Variants in PALLD observed in about 807,000 individuals in gnomAD.
The protein encoded by PALLD is palladin, cytoskeletal associated protein.
In PALLD, 61 loss-of-function variants were observed where a neutral mutation model predicts 123.5. The ratio of observed to expected loss-of-function variants is 0.49; its 90% CI spans 0.40 to 0.61. The LOEUF is 0.61. PALLD is among the 20% of genes least tolerant of loss of function. The pLI is 0.00. For synonymous variants in PALLD, 465 were observed against 496.4 expected (o/e 0.94, Z 0.84); for missense variants, 1,273 against 1,377.0 (o/e 0.92, Z 1.20).
intron 2 of PALLD, among the ~76,000 whole-genome samples, chr4:168,524,972 T>C (rs543482404): frequency 6.6e-6 from 1 of 152,274 alleles, no homozygotes; most frequent in African/African-American, 2.4e-5. Flanking sequence ...GGTTTCTCTT[T>C]CTTTTATAAA....
intron 10 of PALLD, among the ~76,000 whole-genome samples, chr4:168,888,085 G>T (rs977528287): frequency 6.6e-6 from 1 of 152,168 alleles, no homozygotes; most frequent in Non-Finnish European, 1.5e-5. Flanking sequence ...AGTAGGAGGG[G>T]AGAGAGGTTC....
chr4:168,913,082 A>T (rs1034131470), intron 15 of PALLD, among the ~76,000 whole-genome samples: 4 of 149,492 alleles, frequency 2.7e-5, no homozygotes, highest in Non-Finnish European at 4.4e-5. Context: ...CTTACATAAC[A>T]CTCATTTTAT....
intron 10 of PALLD, among the ~76,000 whole-genome samples, chr4:168,808,514 G>A (rs906875390): frequency 6.6e-6 from 1 of 152,084 alleles, no homozygotes; most frequent in Non-Finnish European, 1.5e-5. Context: ...ACATATTTGT[G>A]TTGAAAATTG....
chr4:168,648,888 TG>T (rs1777755272), intron 2 of PALLD: 2 of 152,268 alleles, frequency 1.3e-5, no homozygotes, highest in Non-Finnish European at 1.5e-5. Context: ...GAGTAAAAGC[TG>T]TAAGTAGACA....
At chr4:168,525,922 C>T (rs188568507) in intron 2 of PALLD, among the ~76,000 whole-genome samples, 12 of 152,152 alleles carry the variant, frequency 7.9e-5, no homozygotes, top group East Asian at 1.9e-4. Flanking sequence ...AATTATATAC[C>T]GTATAATATA....
rs765770895 is a variant in PALLD at position 168,778,876 on chromosome 4, G to T, written c.1964+66953G>T. On this transcript the variant is annotated intron_variant, in intron 10 of 21. Transcript: ENST00000505667. Reference sequence around the variant, plus strand: ...GAGTCTCACTATGTCACCCAGGCTGGTCTCAAACTCCTGGCCTCAAGCAGT... The same window carrying T: ...GAGTCTCACTATGTCACCCAGGCTGTTCTCAAACTCCTGGCCTCAAGCAGT... Among the ~76,000 whole-genome samples the T allele has an allele frequency of 3.3e-5, 5 of 152,166 alleles. No homozygotes were observed. In the South Asian group the frequency reaches 6.2e-4, roughly 19 times the overall value.
chr4:168,546,316 A>G (rs896745035), intron 2 of PALLD, among the ~76,000 whole-genome samples: 1 of 117,392 alleles, frequency 8.5e-6, no homozygotes, highest in African/African-American at 3.2e-5. Flanking sequence ...CCCACCCACC[A>G]AAAGAAAGTT....
rs767777801 is a variant in PALLD at position 168,850,523 on chromosome 4, C to CTTTTTTTTTTTTTTTTTTTTTT, written c.1965-40392_1965-40371dup. Among the ~76,000 whole-genome samples the CTTTTTTTTTTTTTTTTTTTTTT allele has an allele frequency of 8.6e-5, 3 of 34,692 alleles. 1 individual carries two copies. The highest frequency in any genetic ancestry group is 2.7e-4 in the African/African-American group (2 of 7,542). 22.8% of individuals were successfully genotyped at this position (34,692 alleles called of 152,430 possible). On this transcript the variant is annotated intron_variant, in intron 10 of 21. Transcript: ENST00000505667. ...TATATAATTTGTAAGTCTGTCATTT[C>CTTTTTTTTTTTTTTTTTTTTTT]TTTTTTTTTTTTTTTTTTTTTTTTT...
At chr4:168,744,639 G>A (rs1788681637) in intron 10 of PALLD, among the ~76,000 whole-genome samples, 1 of 152,168 alleles carries the variant, frequency 6.6e-6, no homozygotes, top group Admixed American at 6.5e-5. Context: ...TCTAGTGGTG[G>A]CAAAGAGGAC....
At chr4:168,802,129 T>C (rs1180320976) in intron 10 of PALLD, among the ~76,000 whole-genome samples, 1 of 152,212 alleles carries the variant, frequency 6.6e-6, no homozygotes, top group Non-Finnish European at 1.5e-5. Context: ...TCGGGAATGC[T>C]CCATTGAGAA....
rs138238533 is a variant in PALLD, at chr4:168,580,009, C to T, written c.908+67597C>T. 1.4e-4 allele frequency among the ~76,000 whole-genome samples: 21 copies of T among 151,978 alleles called. No individual in the cohort carries two copies. The East Asian group carries it at 3.5e-3, about 25-fold the overall frequency. Reference sequence around the variant, plus strand: ...ATTTATTCGTCCTGAAACTTTGTACCGTTTGACCAATAGCTCCTCATTTCC... The same window carrying T: ...ATTTATTCGTCCTGAAACTTTGTACTGTTTGACCAATAGCTCCTCATTTCC... On this transcript the variant is annotated intron_variant, in intron 2 of 21. Coordinates refer to ENST00000505667, the MANE Select transcript of PALLD (RefSeq NM_001166108.2).
At chr4:168,504,749 T>C (rs1761827469) in intron 1 of PALLD, 1 of 152,014 alleles carries the variant, frequency 6.6e-6, no homozygotes, top group South Asian at 2.1e-4. Flanking sequence ...CTGAGAAAAG[T>C]GAGGAGGCAG....
At chr4:168,691,212 A>C in intron 7 of PALLD, 57 bp from the exon 8 acceptor site, 4 of 1,301,544 alleles carry the variant, frequency 3.1e-6, no homozygotes, top group Non-Finnish European at 4.5e-6. Context: ...TTTTTTAATT[A>C]AATGGAACCC....
In PALLD at chr4:168,927,240, G is replaced by T; in HGVS notation, c.*1060G>T. On this transcript the variant is annotated 3_prime_UTR_variant, in exon 22 of 22. Transcript: ENST00000505667. ...AGGAGAATGAAGGAAAATGCAACCA[G>T]CATGATTATAGTGTGTTCATTTAGA... The T allele has an allele frequency of 4.3e-6, 1 of 231,098 alleles. No individual in the cohort carries two copies. The allele number at this position is 231,098 out of a possible 1,614,324, so 14.3% of individuals were successfully genotyped here.
intron 2 of PALLD, among the ~76,000 whole-genome samples, chr4:168,590,405 A>G (rs1179510365): frequency 6.6e-6 from 1 of 152,192 alleles, no homozygotes; most frequent in African/African-American, 2.4e-5. Context: ...TGCATATCTA[A>G]GTATTTTTTC....
At chr4:168,872,595 G>A (rs565107932) in intron 10 of PALLD, among the ~76,000 whole-genome samples, 17 of 152,264 alleles carry the variant, frequency 1.1e-4, no homozygotes, top group Admixed American at 9.1e-4. Context: ...CCCAACCTTA[G>A]GGGAATGTAT....
chr4:168,889,919 C>T (rs1166203098), intron 10 of PALLD, among the ~76,000 whole-genome samples: 2 of 152,154 alleles, frequency 1.3e-5, no homozygotes, highest in Non-Finnish European at 1.5e-5. Context: ...TTTGCTTTTG[C>T]CTGTTTATAA....
intron 2 of PALLD, among the ~76,000 whole-genome samples, chr4:168,612,084 C>T (rs539658036): frequency 1.1e-4 from 16 of 152,074 alleles, no homozygotes; most frequent in East Asian, 3.9e-4. Flanking sequence ...CACTTGAGCC[C>T]GAGAGGTTGA....
chr4:168,660,082 T>G (rs1778982291), intron 2 of PALLD, among the ~76,000 whole-genome samples: 1 of 152,226 alleles, frequency 6.6e-6, no homozygotes. Context: ...CGGAGTGTTC[T>G]GAGCATTCCC....
Sources: allele counts gnomAD v4.1 joint callset (sites outside exome capture counted in the v4.1 genomes callset), GRCh38; gene constraint gnomAD v4.1.1; transcripts MANE v1.5; gene names NCBI Gene and HGNC (gene_info 2026-07-23, HGNC 2026-07-21).